The following BNC1 variants were observed in gnomAD, a reference collection of about 807,000 sequenced individuals.
BNC1 encodes zinc finger protein basonuclin-1.
BNC1 carries 8 observed loss-of-function variants against 66.5 expected under a neutral mutation model. The observed-to-expected ratio is 0.12, with a 90% CI of 0.07 to 0.22. BNC1 has a LOEUF of 0.22. BNC1 is among the 10% of genes least tolerant of loss of function. The pLI is 1.00. For synonymous variants in BNC1, 454 were observed against 452.6 expected, an observed-to-expected ratio of 1.00 and a Z score of -0.04; for missense variants, 1,069 against 1,241.3, an observed-to-expected ratio of 0.86 and a Z score of 2.09.
chr15:83,282,512 A>G (rs1216568426), intron 1 of BNC1, among the ~76,000 whole-genome samples: 2 of 152,258 alleles, frequency 1.3e-5, no homozygotes, highest in African/African-American at 4.8e-5. Context: ...TATATGATGT[A>G]CAAAATTTTA....
intron 2 of BNC1, among the ~76,000 whole-genome samples, chr15:83,267,391 G>C (rs1434437554): frequency 6.6e-6 from 1 of 152,130 alleles, no homozygotes; most frequent in Non-Finnish European, 1.5e-5. Context: ...AGCTAATCAG[G>C]AAGCATAGAG....
At chr15:83,283,492 C>G (rs1452062433) in intron 1 of BNC1, 1 of 985,194 alleles carries the variant, frequency 1.0e-6, no homozygotes, top group Admixed American at 6.2e-5. Context: ...CACGCGCTCG[C>G]AGGTCCCAAG....
rs778323025 is a variant in BNC1, at chr15:83,264,033, G to A, written c.1218C>T (p.Ser406=). The change falls in exon 4 of 5, where the codon AGC becomes AGT. Residue 406 remains serine, a synonymous_variant. Transcript: ENST00000345382. ...TGTGCAGCCGAGGGTTGGGGTTGGC[G>A]CTATGGCGATTCCGGCTCCTTAGGG... The part of the protein sequence containing the change: ...FSSLRSRNRH[S]ANPNPRLHMP... 14 of 1,614,178 alleles carry A rather than the reference G, an allele frequency of 8.7e-6. No individual in the cohort carries two copies. Among genetic ancestry groups the A allele is most frequent in the South Asian group, 3.3e-5 (3 of 91,078 alleles).
In BNC1 at chr15:83,257,777, TG is replaced by T. The variant is rs1567189812; in HGVS notation, c.2649del (p.Thr884LeufsTer28). 1 of 1,614,162 alleles carries T rather than the reference TG, an allele frequency of 6.2e-7. No homozygotes were observed. Among genetic ancestry groups the T allele is most frequent in the Admixed American group, 1.7e-5 (1 of 60,024 alleles). ...CCATCACTGTCCTCCATAAGCACAGTGCCTTCCTCACTCACCCCGTCAGAGT... is the reference window on the plus strand; with the variant it reads ...CCATCACTGTCCTCCATAAGCACAGTCCTTCCTCACTCACCCCGTCAGAGT... ...SWDSDGVSEE[G>X]TVLMEDSDGN... is the part of the protein sequence containing the mutation. On this transcript the variant is annotated frameshift_variant, in exon 5 of 5. Transcript: ENST00000345382. LOFTEE classifies it high-confidence loss of function.
chr15:83,280,002 C>T (rs1249323278), intron 1 of BNC1, among the ~76,000 whole-genome samples: 1 of 152,174 alleles, frequency 6.6e-6, no homozygotes, highest in Admixed American at 6.5e-5. Context: ...TCTCTAGCTG[C>T]TTAGTTCAAA....
In BNC1 at chr15:83,266,896, G is replaced by C; in HGVS notation, c.375C>G (p.Leu125=). The change falls in exon 3 of 5, where the codon CTC becomes CTG. Residue 125 remains leucine, a synonymous_variant. Transcript: ENST00000345382. ...LFSVLKQDEV[L]QILHALDWTL... ...TCCAGTCCAAGGCATGGAGGATCTG[G>C]AGAACCTCATCTTGCTTCAACACAC... The C allele has an allele frequency of 6.2e-7, 1 of 1,614,208 alleles. No homozygotes were observed. Among genetic ancestry groups the C allele is most frequent in the Non-Finnish European group, 8.5e-7 (1 of 1,180,044 alleles).
intron 1 of BNC1, among the ~76,000 whole-genome samples, chr15:83,283,756 C>T (rs2038410078): frequency 6.6e-6 from 1 of 152,224 alleles, no homozygotes; most frequent in South Asian, 2.1e-4. Context: ...CGCGGAGCCG[C>T]GACAAGGACT....
intron 1 of BNC1, among the ~76,000 whole-genome samples, chr15:83,283,661 G>C (rs1303793610): frequency 6.6e-6 from 1 of 152,218 alleles, no homozygotes; most frequent in Admixed American, 6.5e-5. Context: ...CCTCGGAGCG[G>C]CGGACGCGGC....
chr15:83,275,502 A>G (rs2038311573), intron 1 of BNC1, among the ~76,000 whole-genome samples: 1 of 151,982 alleles, frequency 6.6e-6, no homozygotes, highest in African/African-American at 2.4e-5. Flanking sequence ...AAAAAAAAAA[A>G]AAAAAAACTA....
rs1226153555 is a variant in BNC1 at position 83,265,241 on chromosome 15, A to C, written c.436-426T>G. 3.9e-5 allele frequency among the ~76,000 whole-genome samples: 6 copies of C among 152,254 alleles called. No homozygotes were observed. The East Asian group carries it at 1.2e-3, about 29-fold the overall frequency. ...AACAATCAGGCCTAGATGCAGCTCA[A>C]GTATTCATTTGCTGCAAGTTTAATA... On this transcript the variant is annotated intron_variant, in intron 3 of 4. Coordinates refer to ENST00000345382, the MANE Select transcript of BNC1 (RefSeq NM_001717.4).
chr15:83,284,605 C>A lies in BNC1; in HGVS notation c.24G>T (p.Arg8=). The change falls in exon 1 of 5, where the codon CGG becomes CGT. Residue 8 remains arginine (R), a synonymous_variant. Transcript: ENST00000345382. ...GGGCCCGGGCCGCCCCGCGTCCGCC[C>A]CGGCTCGGCGGGCGCCGCCGCATCC... The part of the protein sequence containing the change: MRRRPPS[R]GGRGAARARE... 4.9e-6 allele frequency: 5 copies of A among 1,011,446 alleles called. No homozygotes were observed. Among genetic ancestry groups the A allele is most frequent in the Admixed American group, 5.9e-5 (1 of 16,822 alleles). The allele number at this position is 1,011,446 out of a possible 1,614,324, so 62.7% of individuals were successfully genotyped here. A position where few individuals can be genotyped will look rare whatever the true frequency, so the allele number is the denominator to read the frequency against.
rs1375492411 is a variant in BNC1 at position 83,263,812 on chromosome 15, G to C, written c.1439C>G (p.Pro480Arg). The change falls in exon 4 of 5, where the codon CCC (proline) becomes CGC (arginine). Residue 480 changes from proline to arginine, a missense_variant. Pro to Arg is a moderately radical substitution (Grantham distance 103, BLOSUM62 -2). Coordinates refer to ENST00000345382, the MANE Select transcript of BNC1 (RefSeq NM_001717.4). ...PNIGQNGVLF[P>R]NLKTVQPVLP... ...GACTGGCTGGACTGTCTTTAGGTTGGGAAAAAGCACACCATTTTGCCCAAT... is the reference window on the plus strand; with the variant it reads ...GACTGGCTGGACTGTCTTTAGGTTGCGAAAAAGCACACCATTTTGCCCAAT... 6.2e-7 allele frequency: 1 copy of C among 1,614,156 alleles called. No homozygotes were observed. Among genetic ancestry groups the C allele is most frequent in the Non-Finnish European group, 8.5e-7 (1 of 1,180,026 alleles).
At position 83,284,541 on chromosome 15, in the gene BNC1, T is replaced by C. The variant is rs2038423875; in HGVS notation, c.88A>G (p.Arg30Gly). Residue 30 changes from arginine (R) to glycine (G), a missense_variant, in exon 1 of 5, where the codon AGG becomes GGG. Physicochemically the swap from Arg to Gly is moderately radical, Grantham distance 125. This residue lies in a region of BNC1 where 78 missense variants were observed against 80.9 expected (regional missense o/e 0.96). Transcript: ENST00000345382. Reference protein sequence around the residue: ...RRQPRHRSGRRMAEAISCTLN... With the variant: ...RRQPRHRSGRGMAEAISCTLN... Reference sequence around the variant, plus strand: ...GGCGCCGCGCTTACCTCGGCCATCCTGCGACCGCTGCGGTGCCGGGGCTGC... The same window carrying C: ...GGCGCCGCGCTTACCTCGGCCATCCCGCGACCGCTGCGGTGCCGGGGCTGC... The C allele has an allele frequency of 8.5e-7, 1 of 1,174,434 alleles. No individual in the cohort carries two copies. Among genetic ancestry groups the C allele is most frequent in the Admixed American group, 4.1e-5 (1 of 24,622 alleles). 72.8% of individuals were successfully genotyped at this position (1,174,434 alleles called of 1,614,324 possible). A position where few individuals can be genotyped will look rare whatever the true frequency, so the allele number is the denominator to read the frequency against.
chr15:83,282,759 A>C (rs1195792216), intron 1 of BNC1, among the ~76,000 whole-genome samples: 1 of 152,262 alleles, frequency 6.6e-6, no homozygotes, highest in Non-Finnish European at 1.5e-5. Flanking sequence ...CAATTCACTT[A>C]CTGTCAAGCC....
At chr15:83,279,600 C>A (rs944409841) in intron 1 of BNC1, among the ~76,000 whole-genome samples, 1 of 152,164 alleles carries the variant, frequency 6.6e-6, no homozygotes, top group African/African-American at 2.4e-5. Flanking sequence ...GTCTCTGTTA[C>A]GGGCAGTGAG....
In BNC1 at chr15:83,280,458, A is replaced by C. The variant is rs565617543; in HGVS notation, c.99+4072T>G. Among the ~76,000 whole-genome samples, 10 of 152,366 alleles carry C rather than the reference A, an allele frequency of 6.6e-5. No homozygotes were observed. The South Asian group carries it at 1.9e-3, about 28-fold the overall frequency. On this transcript the variant is annotated intron_variant, in intron 1 of 4. Coordinates refer to ENST00000345382, the MANE Select transcript of BNC1 (RefSeq NM_001717.4). The stretch of plus-strand genomic sequence containing the variant: ...GCAACTTCACTACTGCTGCTGATAC[A>C]AAATAAAGACGAAATTGTGAACATT...
intron 1 of BNC1, among the ~76,000 whole-genome samples, chr15:83,275,838 G>C (rs898888608): frequency 3.3e-5 from 5 of 152,106 alleles, no homozygotes; most frequent in African/African-American, 1.2e-4. Flanking sequence ...ACTGTGCATA[G>C]GACCTTGTGG....
At chr15:83,283,917 G>A (rs2038412626) in intron 1 of BNC1, among the ~76,000 whole-genome samples, 1 of 152,122 alleles carries the variant, frequency 6.6e-6, no homozygotes, top group South Asian at 2.1e-4. Flanking sequence ...TTTTGTTGTT[G>A]TTGTTGCTCT....
chr15:83,265,350 C>T (rs1259799492), intron 3 of BNC1, among the ~76,000 whole-genome samples: 1 of 152,188 alleles, frequency 6.6e-6, no homozygotes, highest in Non-Finnish European at 1.5e-5. Context: ...TGTAATTACA[C>T]TGGAGTGTTG....
Sources: allele counts gnomAD v4.1 joint callset (sites outside exome capture counted in the v4.1 genomes callset), GRCh38; gene constraint gnomAD v4.1.1; regional missense constraint gnomAD v4.1.1; transcripts MANE v1.5; gene names NCBI Gene and HGNC (gene_info 2026-07-23, HGNC 2026-07-21).